The following HTR4 variants were observed in gnomAD, a reference collection of about 807,000 sequenced individuals.
The protein encoded by HTR4 is 5-hydroxytryptamine (serotonin) receptor 4, G protein-coupled.
Under a neutral mutation model 36.8 loss-of-function variants are expected in HTR4, and 16 were observed. That is an observed-to-expected ratio of 0.43 (90% CI 0.29 to 0.66). HTR4 has a LOEUF of 0.66. HTR4 is among the 30% of genes least tolerant of loss of function. HTR4 has a pLI of 0.13. For synonymous variants in HTR4, 189 were observed against 185.1 expected (o/e 1.02, Z -0.17); for missense variants, 438 against 490.9 (o/e 0.89, Z 1.02).
intron 6 of HTR4, among the ~76,000 whole-genome samples, chr5:148,501,873 C>G (rs1273271140): frequency 6.6e-6 from 1 of 152,008 alleles, no homozygotes. Flanking sequence ...TCCTGGCTAA[C>G]ATGGTGAAAC....
In HTR4 at chr5:148,560,731, C is replaced by T. The variant is rs551691272; in HGVS notation, c.27-10469G>A. Among the ~76,000 whole-genome samples the T allele has an allele frequency of 4.9e-4, 75 of 152,160 alleles. 1 individual carries two copies. Among genetic ancestry groups the T allele is most frequent in the African/African-American group, 1.7e-3 (69 of 41,500 alleles). On this transcript the variant is annotated intron_variant, in intron 2 of 6. Transcript: ENST00000377888. ...CTTTTCAGAAGAGGCTGGAGCTCAG[C>T]ATGGTTAAGAGACGTAATATTTTGT...
chr5:148,610,390 C>A (rs561650860), intron 2 of HTR4, among the ~76,000 whole-genome samples: 36 of 152,330 alleles, frequency 2.4e-4, no homozygotes, highest in African/African-American at 7.9e-4. Context: ...AGCAGCCTAA[C>A]TGGGAGGCAC....
chr5:148,563,984 A>G (rs1650504767), intron 2 of HTR4, among the ~76,000 whole-genome samples: 1 of 152,066 alleles, frequency 6.6e-6, no homozygotes, highest in Admixed American at 6.6e-5. Context: ...TGCCTTGGCA[A>G]TTACTCTTTC....
intron 2 of HTR4, among the ~76,000 whole-genome samples, chr5:148,578,091 C>T (rs542538559): frequency 1.3e-5 from 2 of 151,886 alleles, no homozygotes; most frequent in East Asian, 1.9e-4. Flanking sequence ...GTAATACATG[C>T]TTAATGTACT....
At chr5:148,552,658 A>G (rs538323313) in intron 2 of HTR4, among the ~76,000 whole-genome samples, 47 of 152,062 alleles carry the variant, frequency 3.1e-4, no homozygotes, top group African/African-American at 1.1e-3. Context: ...GCCAACAAAC[A>G]TTTTTCATTT....
chr5:148,550,356 C>T, intron 2 of HTR4, 94 bp from the exon 3 acceptor site: 1 of 1,417,178 alleles, frequency 7.1e-7, no homozygotes, highest in Non-Finnish European at 9.8e-7. Context: ...AGAAAGGTAA[C>T]TTCACCATCA....
chr5:148,457,822 T>C (rs1755139346), intron 5 of HTR4, among the ~76,000 whole-genome samples: 1 of 78,780 alleles, frequency 1.3e-5, no homozygotes, highest in Non-Finnish European at 2.4e-5. Flanking sequence ...TGATATATCA[T>C]TAAAATATAT....
chr5:148,490,611 A>G, intron 6 of HTR4: 1 of 1,168,040 alleles, frequency 8.6e-7, no homozygotes, highest in Admixed American at 4.2e-5. Context: ...TCTTCCCCAG[A>G]AATGTTGACT....
chr5:148,565,368 A>T (rs947507982), intron 2 of HTR4, among the ~76,000 whole-genome samples: 3 of 152,100 alleles, frequency 2.0e-5, no homozygotes, highest in Admixed American at 2.0e-4. Context: ...ACAACTATAA[A>T]TAGCGGCCAG....
intron 2 of HTR4, chr5:148,629,967 T>A (rs1317833450): frequency 6.6e-6 from 1 of 152,110 alleles, no homozygotes; most frequent in Non-Finnish European, 1.5e-5. Flanking sequence ...GGCGATGAGG[T>A]GAGAAAGAGG....
chr5:148,519,751 T>C (rs1665892177), intron 5 of HTR4, among the ~76,000 whole-genome samples: 1 of 152,220 alleles, frequency 6.6e-6, no homozygotes, highest in Admixed American at 6.5e-5. Flanking sequence ...TATCATCTTG[T>C]TTCACTTCAA....
intron 2 of HTR4, among the ~76,000 whole-genome samples, chr5:148,583,921 T>G (rs1761249307): frequency 6.6e-6 from 1 of 152,208 alleles, no homozygotes. Flanking sequence ...ACCAACTTGA[T>G]GGTGGAATTT....
At chr5:148,637,531 T>C (rs768049080) in intron 1 of HTR4, among the ~76,000 whole-genome samples, 1 of 152,188 alleles carries the variant, frequency 6.6e-6, no homozygotes, top group Non-Finnish European at 1.5e-5. Flanking sequence ...TCTTGAGAAC[T>C]GTCTGCCCAG....
intron 6 of HTR4, among the ~76,000 whole-genome samples, chr5:148,484,571 GT>G (rs909684048): frequency 2.6e-5 from 4 of 152,032 alleles, no homozygotes; most frequent in African/African-American, 4.8e-5. Context: ...TTAGCAACAA[GT>G]TTTTTTTAAG....
At chr5:148,524,220 C>T (rs961836912) in intron 4 of HTR4, among the ~76,000 whole-genome samples, 2 of 152,160 alleles carry the variant, frequency 1.3e-5, no homozygotes, top group Admixed American at 6.5e-5. Flanking sequence ...CAAACACGTA[C>T]ACTTCTTGGC....
At chr5:148,551,852 A>G (rs1217992469) in intron 2 of HTR4, among the ~76,000 whole-genome samples, 1 of 152,194 alleles carries the variant, frequency 6.6e-6, no homozygotes, top group African/African-American at 2.4e-5. Context: ...CCGACAGGCC[A>G]TGGGTTAGAC....
At chr5:148,511,922 C>G (rs1464657837) in intron 5 of HTR4, among the ~76,000 whole-genome samples, 1 of 151,980 alleles carries the variant, frequency 6.6e-6, no homozygotes, top group Non-Finnish European at 1.5e-5. Flanking sequence ...TTGACTCTTT[C>G]CATTGGTTTA....
chr5:148,654,048 C>T lies in HTR4; in HGVS notation c.-48+14G>A, dbSNP rs1754120634. 8.1e-6 allele frequency: 8 copies of T among 985,358 alleles called. No homozygotes were observed. The highest frequency in any genetic ancestry group is 9.6e-6 in the Non-Finnish European group (8 of 829,912). 61.0% of individuals were successfully genotyped at this position (985,358 alleles called of 1,614,324 possible). The stretch of plus-strand genomic sequence containing the variant: ...TCCTGGGGTCCCGACCCCCGGCGCA[C>T]TTGCCGCACATACCCGCTGCCAGAG... On this transcript the variant is annotated intron_variant, in intron 1 of 6. Transcript: ENST00000377888.
At chr5:148,536,053 T>C (rs575758464) in intron 4 of HTR4, among the ~76,000 whole-genome samples, 1 of 152,266 alleles carries the variant, frequency 6.6e-6, no homozygotes, top group Admixed American at 6.5e-5. Context: ...CCTGAAACCC[T>C]ACAGACCAGA....
Sources: gnomAD v4.1 joint callset for allele counts (sites outside exome capture counted in the v4.1 genomes callset) on GRCh38, gnomAD v4.1.1 for gene constraint, MANE v1.5 for transcripts, NCBI Gene and HGNC (gene_info 2026-07-23, HGNC 2026-07-21) for gene names.